The following EPB41L5 variants were observed in gnomAD, a reference collection of about 807,000 sequenced individuals.
The protein encoded by EPB41L5 is band 4.1-like protein 5.
In EPB41L5, 55 loss-of-function variants were observed where a neutral mutation model predicts 106.6. The observed-to-expected ratio is 0.52, with a 90% CI of 0.42 to 0.65. The LOEUF (loss-of-function observed/expected upper bound fraction) is 0.65, where lower values mean the gene tolerates loss of function less well. Ranked by LOEUF, EPB41L5 falls within the 30% of genes least tolerant of loss-of-function variation. The pLI is 0.00. For missense variants in EPB41L5, 871 were observed against 882.1 expected (o/e 0.99, Z 0.16); for synonymous variants, 297 against 306.7 (o/e 0.97, Z 0.33).
chr2:120,095,668 T>A (rs1162424698), intron 14 of EPB41L5, among the ~76,000 whole-genome samples: 1 of 151,962 alleles, frequency 6.6e-6, no homozygotes, highest in Non-Finnish European at 1.5e-5. Flanking sequence ...TAAATTTAAT[T>A]AATTAATTAA....
intron 20 of EPB41L5, among the ~76,000 whole-genome samples, chr2:120,147,624 CAAAA>C (rs60980401): frequency 1.1e-4 from 8 of 75,592 alleles, no homozygotes; most frequent in South Asian, 4.3e-4. Context: ...AACTCTGTCT[CAAAA>C]AAAAAAAAAA....
At chr2:120,045,424 T>G (rs1679700834) in intron 3 of EPB41L5, among the ~76,000 whole-genome samples, 1 of 152,218 alleles carries the variant, frequency 6.6e-6, no homozygotes, top group Non-Finnish European at 1.5e-5. Flanking sequence ...ACCATGTTTC[T>G]GGGACCATGT....
chr2:120,046,495 G>C lies in EPB41L5; in HGVS notation c.285+4385G>C, dbSNP rs1437250438. Among the ~76,000 whole-genome samples the C allele has an allele frequency of 4.6e-5, 7 of 150,688 alleles. No individual in the cohort carries two copies. The South Asian group carries it at 1.5e-3, about 32-fold the overall frequency. On this transcript the variant is annotated intron_variant, in intron 3 of 24. Coordinates refer to ENST00000263713, the MANE Select transcript of EPB41L5 (RefSeq NM_020909.4). Reference sequence around the variant, plus strand: ...TGTTCATACCTTTCGCCCACTTTTTGATGGGGTTGTTTTTTTTTTTTTCTT... The same window carrying C: ...TGTTCATACCTTTCGCCCACTTTTTCATGGGGTTGTTTTTTTTTTTTTCTT...
At chr2:120,109,691 C>A (rs879673374) in intron 16 of EPB41L5, among the ~76,000 whole-genome samples, 2 of 152,186 alleles carry the variant, frequency 1.3e-5, no homozygotes, top group African/African-American at 4.8e-5. Context: ...ACAAAAACTT[C>A]CTAAGATAGC....
intron 2 of EPB41L5, among the ~76,000 whole-genome samples, chr2:120,025,233 G>A (rs1678224489): frequency 6.6e-6 from 1 of 152,196 alleles, no homozygotes; most frequent in Non-Finnish European, 1.5e-5. Flanking sequence ...GAGGGTGTAT[G>A]TGTCCAGGAA....
chr2:120,093,168 GT>G (rs1342377115), intron 13 of EPB41L5, 80 bp from the exon 14 acceptor site: 30 of 1,109,210 alleles, frequency 2.7e-5, no homozygotes, highest in Non-Finnish European at 3.9e-5. Flanking sequence ...AAAGCAATTA[GT>G]TAAAGTTTTG....
chr2:120,019,581 G>T (rs1677787618), intron 2 of EPB41L5, among the ~76,000 whole-genome samples: 2 of 152,164 alleles, frequency 1.3e-5, no homozygotes, highest in South Asian at 4.1e-4. Context: ...TAGTCTAGTG[G>T]ATTTCTGACA....
intron 3 of EPB41L5, among the ~76,000 whole-genome samples, chr2:120,052,566 G>A (rs572652257): frequency 1.3e-5 from 2 of 152,144 alleles, no homozygotes; most frequent in East Asian, 3.9e-4. Context: ...TAATTCAATG[G>A]GTTATATCTG....
intron 2 of EPB41L5, among the ~76,000 whole-genome samples, chr2:120,039,563 C>T (rs1679258641): frequency 1.3e-5 from 2 of 152,094 alleles, no homozygotes; most frequent in South Asian, 4.1e-4. Flanking sequence ...TGGTGGCTCA[C>T]ACCTGTAATC....
intron 14 of EPB41L5, among the ~76,000 whole-genome samples, chr2:120,097,442 T>C (rs1473668624): frequency 6.6e-6 from 1 of 152,260 alleles, no homozygotes; most frequent in Non-Finnish European, 1.5e-5. Flanking sequence ...CCTTGTATTC[T>C]GCAGTTTTGT....
At chr2:120,044,648 C>G (rs1431962417) in intron 3 of EPB41L5, among the ~76,000 whole-genome samples, 3 of 152,086 alleles carry the variant, frequency 2.0e-5, no homozygotes, top group African/African-American at 4.8e-5. Context: ...ATTATTAGCC[C>G]TTTGCTAATA....
At chr2:120,027,478 A>C (rs541482170) in intron 2 of EPB41L5, among the ~76,000 whole-genome samples, 1 of 152,346 alleles carries the variant, frequency 6.6e-6, no homozygotes, top group African/African-American at 2.4e-5. Flanking sequence ...GAAGAGGGAG[A>C]TCTGTAAGGG....
intron 10 of EPB41L5, among the ~76,000 whole-genome samples, chr2:120,079,250 A>C (rs1682469524): frequency 6.6e-6 from 1 of 152,204 alleles, no homozygotes; most frequent in Non-Finnish European, 1.5e-5. Flanking sequence ...TGACACATCC[A>C]GTTACTTTAA....
intron 18 of EPB41L5, among the ~76,000 whole-genome samples, chr2:120,138,476 A>G (rs1022830955): frequency 2.0e-5 from 3 of 152,036 alleles, no homozygotes; most frequent in African/African-American, 7.2e-5. Flanking sequence ...GAACTAATAA[A>G]TTCAGTAAAG....
intron 2 of EPB41L5, among the ~76,000 whole-genome samples, chr2:120,028,171 A>AT (rs990701747): frequency 0.015 from 2,164 of 148,256 alleles, 42 homozygotes; most frequent in African/African-American, 0.048. Context: ...GCCGGAAGTT[A>AT]TTTTTTTTTT....
chr2:120,107,351 A>G (rs1684510942), intron 16 of EPB41L5, among the ~76,000 whole-genome samples: 2 of 152,214 alleles, frequency 1.3e-5, no homozygotes, highest in East Asian at 1.9e-4. Flanking sequence ...ACTATTTTTT[A>G]TGATTGGTAT....
rs1345037255 is a variant in EPB41L5 at position 120,039,333 on chromosome 2, G to A, written c.181-2673G>A. Among the ~76,000 whole-genome samples, 3 of 152,238 alleles carry A rather than the reference G, an allele frequency of 2.0e-5. No individual in the cohort carries two copies. The East Asian group carries it at 5.8e-4, about 29-fold the overall frequency. ...GGGTATAGTGTTTCTGATTGGAATA[G>A]TGACAGGTTCTGGAAATGGATAGTG... On this transcript the variant is annotated intron_variant, in intron 2 of 24. Transcript: ENST00000263713.
At chr2:120,027,837 C>T (rs890350230) in intron 2 of EPB41L5, among the ~76,000 whole-genome samples, 1 of 152,134 alleles carries the variant, frequency 6.6e-6, no homozygotes, top group Non-Finnish European at 1.5e-5. Flanking sequence ...ACTTACAGCT[C>T]AGTGAAGCTA....
At chr2:120,057,792 T>C (rs934006268) in intron 3 of EPB41L5, among the ~76,000 whole-genome samples, 1 of 152,078 alleles carries the variant, frequency 6.6e-6, no homozygotes, top group South Asian at 2.1e-4. Flanking sequence ...AAGCCACCCA[T>C]GACAGGAGCA....
Sources: allele counts gnomAD v4.1 joint callset (sites outside exome capture counted in the v4.1 genomes callset), GRCh38; gene constraint gnomAD v4.1.1; transcripts MANE v1.5; gene names NCBI Gene and HGNC (gene_info 2026-07-23, HGNC 2026-07-21).